The following RBFOX1 variants were observed in gnomAD, a reference collection of about 807,000 sequenced individuals.
RBFOX1 encodes the protein RNA binding fox-1 homolog 1.
A neutral mutation model predicts 57.7 loss-of-function variants in RBFOX1; 8 were observed. The ratio of observed to expected loss-of-function variants is 0.14; its 90% CI spans 0.08 to 0.25. RBFOX1 has a LOEUF of 0.25. Ranked by LOEUF, RBFOX1 falls within the 10% of genes least tolerant of loss-of-function variation. RBFOX1 has a pLI of 1.00. For synonymous variants in RBFOX1, 326 were observed against 222.4 expected (o/e 1.47, Z -4.15); for missense variants, 611 against 548.5 (o/e 1.11, Z -1.14).
intron 3 of RBFOX1, among the ~76,000 whole-genome samples, chr16:6,800,603 C>T (rs965879984): frequency 6.6e-6 from 1 of 152,098 alleles, no homozygotes; most frequent in African/African-American, 2.4e-5. Context: ...GGTTAAAGAG[C>T]AAATTCAGGA....
intron 2 of RBFOX1, among the ~76,000 whole-genome samples, chr16:6,349,036 A>T (rs887266480): frequency 3.3e-5 from 5 of 152,170 alleles, no homozygotes; most frequent in African/African-American, 2.4e-5. Flanking sequence ...CTTACAGCAG[A>T]CTTCTTCATG....
intron 3 of RBFOX1, among the ~76,000 whole-genome samples, chr16:5,711,013 G>A (rs1049265848): frequency 4.6e-5 from 7 of 152,172 alleles, no homozygotes; most frequent in Non-Finnish European, 7.4e-5. Context: ...AGGGTAAGTG[G>A]GAAGCACAAG....
chr16:5,378,418 C>G (rs2066044992), intron 1 of RBFOX1, among the ~76,000 whole-genome samples: 1 of 151,572 alleles, frequency 6.6e-6, no homozygotes, highest in Admixed American at 6.5e-5. Flanking sequence ...GGGGAGTTAG[C>G]CTCCCTTCGA....
chr16:6,259,229 A>G (rs1185313578), intron 1 of RBFOX1, among the ~76,000 whole-genome samples: 1 of 152,152 alleles, frequency 6.6e-6, no homozygotes, highest in African/African-American at 2.4e-5. Flanking sequence ...CAGGTCACCT[A>G]CTATCCAGTG....
intron 2 of RBFOX1, among the ~76,000 whole-genome samples, chr16:6,413,196 G>A (rs1415063391): frequency 6.6e-6 from 1 of 151,988 alleles, no homozygotes; most frequent in Non-Finnish European, 1.5e-5. Flanking sequence ...GCACATGCCT[G>A]TAATCCCAGA....
At chr16:5,491,094 A>G (rs1161606948) in intron 2 of RBFOX1, among the ~76,000 whole-genome samples, 1 of 152,130 alleles carries the variant, frequency 6.6e-6, no homozygotes, top group Non-Finnish European at 1.5e-5. Context: ...CTTCATTATA[A>G]TCTTACGGGA....
chr16:5,795,269 A>G (rs906907083), intron 3 of RBFOX1, among the ~76,000 whole-genome samples: 6 of 151,692 alleles, frequency 4.0e-5, no homozygotes, highest in African/African-American at 1.5e-4. Flanking sequence ...AAGGACCAAG[A>G]TCTGTTCCAC....
At chr16:7,284,379 G>T (rs2095607728) in intron 4 of RBFOX1, among the ~76,000 whole-genome samples, 1 of 152,116 alleles carries the variant, frequency 6.6e-6, no homozygotes, top group Non-Finnish European at 1.5e-5. Context: ...ATCCCAGGCT[G>T]TAGTACGGTG....
chr16:7,436,290 G>A (rs186300190), intron 4 of RBFOX1, among the ~76,000 whole-genome samples: 6 of 152,188 alleles, frequency 3.9e-5, no homozygotes, highest in Non-Finnish European at 5.9e-5. Context: ...TGTTATTTCC[G>A]GTTGGTTTTC....
At chr16:6,957,714 C>T (rs897807644) in intron 3 of RBFOX1, among the ~76,000 whole-genome samples, 4 of 152,134 alleles carry the variant, frequency 2.6e-5, no homozygotes, top group Non-Finnish European at 5.9e-5. Flanking sequence ...CAGGTCTCAG[C>T]GTCATTTTAC....
Position 6,355,020 on chromosome 16 carries a change from G to A in RBFOX1, c.-64+37963G>A, listed in dbSNP as rs187182086. ...TCCTCTGACAGCCCAGAGGACATAG[G>A]AGCCTGACTTCCCAGTAGCAAAGAA... On this transcript the variant is annotated intron_variant, in intron 2 of 15. Transcript: ENST00000550418. 4.3e-4 allele frequency among the ~76,000 whole-genome samples: 66 copies of A among 152,268 alleles called. No homozygotes were observed. In the East Asian group the frequency reaches 7.9e-3, roughly 18 times the overall value.
intron 4 of RBFOX1, among the ~76,000 whole-genome samples, chr16:7,375,102 C>G (rs896504162): frequency 6.6e-6 from 1 of 152,214 alleles, no homozygotes; most frequent in African/African-American, 2.4e-5. Flanking sequence ...ATGTTTCAGA[C>G]ATTATGCTAG....
At chr16:5,830,111 G>T (rs927436337) in intron 3 of RBFOX1, among the ~76,000 whole-genome samples, 1 of 152,130 alleles carries the variant, frequency 6.6e-6, no homozygotes, top group African/African-American at 2.4e-5. Flanking sequence ...CCATCTTGTG[G>T]GCTGCAATGC....
intron 5 of RBFOX1, 44 bp downstream of exon 5, chr16:7,518,433 GC>G: frequency 6.4e-7 from 1 of 1,560,964 alleles, no homozygotes; most frequent in South Asian, 1.2e-5. Flanking sequence ...ATGGGGAGGC[GC>G]CCCCAGCCCT....
intron 1 of RBFOX1, among the ~76,000 whole-genome samples, chr16:6,150,839 C>T (rs1459390640): frequency 3.3e-5 from 5 of 152,166 alleles, no homozygotes; most frequent in African/African-American, 1.2e-4. Context: ...CAGTTTTCCT[C>T]ACCTGAGACC....
intron 4 of RBFOX1, among the ~76,000 whole-genome samples, chr16:6,013,437 C>T (rs1450036774): frequency 6.6e-6 from 1 of 152,104 alleles, no homozygotes; most frequent in Non-Finnish European, 1.5e-5. Flanking sequence ...TATTTTTTTA[C>T]TCTAAGACCA....
chr16:6,910,179 G>C (rs2071189762), intron 3 of RBFOX1, among the ~76,000 whole-genome samples: 1 of 151,982 alleles, frequency 6.6e-6, no homozygotes, highest in Non-Finnish European at 1.5e-5. Context: ...AGAAAAAGCA[G>C]ACTCAAGCAG....
At chr16:7,316,207 T>G (rs889500000) in intron 4 of RBFOX1, among the ~76,000 whole-genome samples, 1 of 152,252 alleles carries the variant, frequency 6.6e-6, no homozygotes, top group Non-Finnish European at 1.5e-5. Context: ...AAAATAATGA[T>G]GTCTTTAATT....
At position 7,034,450 on chromosome 16, in the gene RBFOX1, C is replaced by A. The variant is rs182956731; in HGVS notation, c.-15-17607C>A. ...GAGTCGCTGCCCTCTGCTTCTTCCCCCTTCTTCCTTGCTGGGCTCCAGCTG... is the reference window on the plus strand; with the variant it reads ...GAGTCGCTGCCCTCTGCTTCTTCCCACTTCTTCCTTGCTGGGCTCCAGCTG... On this transcript the variant is annotated intron_variant, in intron 3 of 15. Transcript: ENST00000550418. Among the ~76,000 whole-genome samples, 10 of 152,168 alleles carry A rather than the reference C, an allele frequency of 6.6e-5. 1 individual carries two copies. The South Asian group carries it at 1.5e-3, about 22-fold the overall frequency.
Sources: allele counts gnomAD v4.1 joint callset (sites outside exome capture counted in the v4.1 genomes callset), GRCh38; gene constraint gnomAD v4.1.1; transcripts MANE v1.5; gene names NCBI Gene and HGNC (gene_info 2026-07-23, HGNC 2026-07-21).